Variants in MAST3 observed in about 807,000 individuals in gnomAD.
MAST3 encodes the protein microtubule-associated serine/threonine-protein kinase 3.
In MAST3, 43 loss-of-function variants were observed where a neutral mutation model predicts 127.0. The ratio of observed to expected loss-of-function variants is 0.34; its 90% CI spans 0.27 to 0.44. The LOEUF (loss-of-function observed/expected upper bound fraction) is 0.44, where lower values mean the gene tolerates loss of function less well. Ranked by LOEUF, MAST3 falls within the 20% of genes least tolerant of loss-of-function variation. The pLI is 1.00. For synonymous variants in MAST3, 785 were observed against 809.2 expected (o/e 0.97, Z 0.51); for missense variants, 1,390 against 1,919.1 (o/e 0.72, Z 5.15).
chr19:18,123,467 T>G, intron 7 of MAST3, 93 bp downstream of exon 7: 1 of 1,481,980 alleles, frequency 6.7e-7, no homozygotes, highest in Non-Finnish European at 9.1e-7. Flanking sequence ...GCCCTGACCC[T>G]GCCTGAGCCT....
Position 18,110,238 on chromosome 19 carries a change from C to T in MAST3, c.72-414C>T. Reference sequence around the variant, plus strand: ...GCGTCCGTGTGTCCGTCCGTCGGTCCGCTCGCGCCACGATCAGGGCTTCCG... The same window carrying T: ...GCGTCCGTGTGTCCGTCCGTCGGTCTGCTCGCGCCACGATCAGGGCTTCCG... On this transcript the variant is annotated intron_variant, in intron 2 of 27. Coordinates refer to ENST00000687212, the MANE Select transcript of MAST3 (RefSeq NM_001393504.1). The surrounding 1 kb of genome is among the most constrained non-coding windows in gnomAD (Gnocchi z 4.3). 1.5e-5 allele frequency: 15 copies of T among 985,502 alleles called. No homozygotes were observed. The highest frequency in any genetic ancestry group is 1.8e-5 in the Non-Finnish European group (15 of 829,988). The allele number at this position is 985,502 out of a possible 1,614,324, so 61.0% of individuals were successfully genotyped here. A position where few individuals can be genotyped will look rare whatever the true frequency, so the allele number is the denominator to read the frequency against.
chr19:18,119,889 C>A (rs1383553670), intron 3 of MAST3, among the ~76,000 whole-genome samples: 2 of 152,218 alleles, frequency 1.3e-5, no homozygotes, highest in African/African-American at 4.8e-5. Context: ...CCTCGGAGGC[C>A]CCGAGACTTC....
intron 3 of MAST3, chr19:18,118,104 T>C (rs2039508919): frequency 1.0e-6 from 1 of 985,152 alleles, no homozygotes; most frequent in African/African-American, 1.7e-5. Flanking sequence ...CTGGGGCCGA[T>C]CCCACCGCCG....
chr19:18,145,650 G>A lies in MAST3; in HGVS notation c.3040-93G>A. 12 of 1,402,280 alleles carry A rather than the reference G, an allele frequency of 8.6e-6. No homozygotes were observed. The highest frequency in any genetic ancestry group is 1.0e-5 in the Non-Finnish European group (11 of 1,060,212). The allele number at this position is 1,402,280 out of a possible 1,614,324, so 86.9% of individuals were successfully genotyped here. On this transcript the variant is annotated intron_variant, in intron 24 of 27. Transcript: ENST00000687212. This position sits in a 1 kb window ranked among gnomAD's most constrained non-coding sequence, Gnocchi z 5.9. Reference sequence around the variant, plus strand: ...AACTGAGACAGCACAAGAGGCAGCAGCTTGCTGGGGTCCCACAGCAGACCC... The same window carrying A: ...AACTGAGACAGCACAAGAGGCAGCAACTTGCTGGGGTCCCACAGCAGACCC...
At chr19:18,137,499 C>G in intron 19 of MAST3, 138 bp downstream of exon 19, 2 of 1,001,190 alleles carry the variant, frequency 2.0e-6, no homozygotes, top group Non-Finnish European at 2.9e-6. Flanking sequence ...ACTTCCTGAG[C>G]CTTCCAAGAA....
intron 3 of MAST3, chr19:18,118,233 C>T (rs2039529493): frequency 2.6e-5 from 26 of 985,314 alleles, no homozygotes; most frequent in Non-Finnish European, 2.9e-5. Context: ...GCAAAAGGCG[C>T]GCTGCTGCAG....
In MAST3 at chr19:18,134,568, C is replaced by T. The variant is rs2041694485; in HGVS notation, c.1572-11C>T. 6.2e-7 allele frequency: 1 copy of T among 1,608,186 alleles called. No individual in the cohort carries two copies. Among genetic ancestry groups the T allele is most frequent in the African/African-American group, 1.3e-5 (1 of 74,976 alleles). ...CCCCCAGCTCTGAGCACACTCCTAA[C>T]CTGCCCACAGTCTGCTCATCACCTC... On this transcript the variant is annotated splice_polypyrimidine_tract_variant and intron_variant, in intron 15 of 27. Transcript: ENST00000687212.
chr19:18,149,978 TTTTTTTC>T lies in MAST3; in HGVS notation c.*259_*265del, dbSNP rs1568623916. The T allele has an allele frequency of 2.8e-5, 2 of 71,680 alleles. No individual in the cohort carries two copies. Among genetic ancestry groups the T allele is most frequent in the African/African-American group, 7.3e-5 (1 of 13,720 alleles). The allele number at this position is 71,680 out of a possible 1,614,324, so 4.4% of individuals were successfully genotyped here. A position where few individuals can be genotyped will look rare whatever the true frequency, so the allele number is the denominator to read the frequency against. On this transcript the variant is annotated 3_prime_UTR_variant, in exon 28 of 28. Transcript: ENST00000687212. This position sits in a 1 kb window ranked among gnomAD's most constrained non-coding sequence, Gnocchi z 5.9. ...AATCCCTGCAACTAATTTATTACTT[TTTTTTTC>T]TTTTTTTTTTTTTTTTTTTGAGACA...
intron 3 of MAST3, among the ~76,000 whole-genome samples, chr19:18,116,019 C>G (rs1490546824): frequency 5.3e-5 from 8 of 152,034 alleles, no homozygotes; most frequent in African/African-American, 1.9e-4. Flanking sequence ...TGAGAGGCCT[C>G]CTGGCTAAAG....
intron 2 of MAST3, among the ~76,000 whole-genome samples, chr19:18,109,164 TAGA>T (rs1212276436): frequency 6.6e-6 from 1 of 152,104 alleles, no homozygotes; most frequent in Non-Finnish European, 1.5e-5. Flanking sequence ...TGCTTGGCGT[TAGA>T]AGAACAGCAT....
chr19:18,144,451 C>G lies in MAST3; in HGVS notation c.2585-15C>G, dbSNP rs2042827718. On this transcript the variant is annotated splice_polypyrimidine_tract_variant and intron_variant, in intron 22 of 27. Transcript: ENST00000687212. The surrounding 1 kb of genome is among the most constrained non-coding windows in gnomAD (Gnocchi z 4.0). Reference sequence around the variant, plus strand: ...GAGTTTGAGGGGCACCCAGCTGACCCTGCTGACCCTCTAGCCGACACAGCT... The same window carrying G: ...GAGTTTGAGGGGCACCCAGCTGACCGTGCTGACCCTCTAGCCGACACAGCT... The G allele has an allele frequency of 1.9e-6, 3 of 1,549,348 alleles. No individual in the cohort carries two copies. Among genetic ancestry groups the G allele is most frequent in the Non-Finnish European group, 2.6e-6 (3 of 1,149,130 alleles).
rs368665387 is a variant in MAST3, at chr19:18,143,970, G to A, written c.2547G>A (p.Ala849=). 1.0e-5 allele frequency: 16 copies of A among 1,591,076 alleles called. No homozygotes were observed. The highest frequency in any genetic ancestry group is 4.6e-5 in the East Asian group (2 of 43,824). The change falls in exon 22 of 28, where the codon GCG becomes GCA. Residue 849 remains alanine, a synonymous_variant. Coordinates refer to ENST00000687212, the MANE Select transcript of MAST3 (RefSeq NM_001393504.1). ...FILGEPDPPP[A]ATPVMPKPSS... ...TAGGGGAGCCTGACCCCCCACCAGCGGCCACCCCAGTGATGCCCAAGCCCT... is the reference window on the plus strand; with the variant it reads ...TAGGGGAGCCTGACCCCCCACCAGCAGCCACCCCAGTGATGCCCAAGCCCT...
At chr19:18,148,376 C>A (rs939248240) in intron 27 of MAST3, among the ~76,000 whole-genome samples, 1 of 151,792 alleles carries the variant, frequency 6.6e-6, no homozygotes, top group Non-Finnish European at 1.5e-5. Context: ...ATGGGAGGCT[C>A]ACTTGAGCCC....
chr19:18,128,976 C>T, intron 13 of MAST3, 25 bp downstream of exon 13: 1 of 1,599,472 alleles, frequency 6.3e-7, no homozygotes. Context: ...CCTGCATAGA[C>T]CCATTTCACA....
rs1333391819 is a variant in MAST3 at position 18,110,382 on chromosome 19, G to C, written c.72-270G>C. The stretch of plus-strand genomic sequence containing the variant: ...TGACCCTCGAGTGAGTGTTGGGCAG[G>C]GCGGGGGTATGCGGGGTGCAGGGAG... On this transcript the variant is annotated intron_variant, in intron 2 of 27. Coordinates refer to ENST00000687212, the MANE Select transcript of MAST3 (RefSeq NM_001393504.1). This position sits in a 1 kb window ranked among gnomAD's most constrained non-coding sequence, Gnocchi z 4.3. 1 of 985,446 alleles carries C rather than the reference G, an allele frequency of 1.0e-6. No individual in the cohort carries two copies. Among genetic ancestry groups the C allele is most frequent in the East Asian group, 1.1e-4 (1 of 8,812 alleles). The allele number at this position is 985,446 out of a possible 1,614,324, so 61.0% of individuals were successfully genotyped here. A position where few individuals can be genotyped will look rare whatever the true frequency, so the allele number is the denominator to read the frequency against.
chr19:18,135,129 C>G (rs751418340), intron 17 of MAST3, 147 bp downstream of exon 17: 77 of 925,888 alleles, frequency 8.3e-5, no homozygotes, highest in Non-Finnish European at 1.0e-4. Context: ...CTGAGTGAGG[C>G]GGGTGGCTGG....
chr19:18,114,907 C>T (rs537480092), intron 3 of MAST3, among the ~76,000 whole-genome samples: 134 of 152,156 alleles, frequency 8.8e-4, no homozygotes, highest in Non-Finnish European at 1.3e-3. Context: ...GATATATGGG[C>T]AGGTGGGAAG....
chr19:18,100,754 G>T (rs1158106425), intron 1 of MAST3, among the ~76,000 whole-genome samples: 1 of 151,360 alleles, frequency 6.6e-6, no homozygotes, highest in Non-Finnish European at 1.5e-5. Flanking sequence ...CCAGTTTGGG[G>T]TCTCTTTTGA....
At position 18,132,062 on chromosome 19, in the gene MAST3, C is replaced by A; in HGVS notation, c.1571+15C>A. On this transcript the variant is annotated intron_variant, in intron 15 of 27. Coordinates refer to ENST00000687212, the MANE Select transcript of MAST3 (RefSeq NM_001393504.1). ...AAACCAGACAAGTGAGCTGAGCTAG[C>A]ATGAGCGGGGCCTCGCGGAGGGCGG... is the stretch of plus-strand genomic sequence containing the variant. The A allele has an allele frequency of 6.2e-7, 1 of 1,613,758 alleles. No homozygotes were observed. The highest frequency in any genetic ancestry group is 8.5e-7 in the Non-Finnish European group (1 of 1,179,788).
Sources: gnomAD v4.1 joint callset for allele counts (sites outside exome capture counted in the v4.1 genomes callset) on GRCh38, gnomAD v4.1.1 for gene constraint, Gnocchi (gnomAD v3.1) non-coding constraint, MANE v1.5 for transcripts, NCBI Gene and HGNC (gene_info 2026-07-23, HGNC 2026-07-21) for gene names.